C1orf185: variants seen among roughly 807,000 people sequenced by gnomAD.
C1orf185 encodes the protein uncharacterized protein C1orf185.
In C1orf185, 13 loss-of-function variants were observed where a neutral mutation model predicts 16.1. That is an observed-to-expected ratio of 0.81 (90% confidence interval 0.53 to 1.28). C1orf185 has a LOEUF of 1.28. Among genes scored for constraint, C1orf185 ranks in the 50% most tolerant of loss-of-function variants. The pLI is 0.00. For synonymous variants in C1orf185, 80 were observed against 76.9 expected, an observed-to-expected ratio of 1.04 and a Z score of -0.21; for missense variants, 220 against 225.2, an observed-to-expected ratio of 0.98 and a Z score of 0.15.
rs532483260 is a variant in C1orf185, at chr1:51,130,058, C to T, written c.258+11257C>T. ...TTGTGTGTTATACTAATGATTAAAT[C>T]ACAGAGTTTAATCATTTATGCATTG... On this transcript the variant is annotated intron_variant, in intron 3 of 4. Transcript: ENST00000371759. 3.9e-5 allele frequency among the ~76,000 whole-genome samples: 6 copies of T among 152,106 alleles called. No homozygotes were observed. The South Asian group carries it at 1.2e-3, about 32-fold the overall frequency.
chr1:51,110,516 A>G (rs1646108164), intron 1 of C1orf185, among the ~76,000 whole-genome samples: 1 of 149,682 alleles, frequency 6.7e-6, no homozygotes, highest in South Asian at 2.1e-4. Context: ...AACAATAAAA[A>G]TATGGAAATG....
At chr1:51,116,243 T>C (rs1290992211) in intron 2 of C1orf185, among the ~76,000 whole-genome samples, 2 of 151,830 alleles carry the variant, frequency 1.3e-5, no homozygotes, top group African/African-American at 4.8e-5. Flanking sequence ...TTCAGTATCG[T>C]ACTCATTTAA....
downstream of C1orf185, among the ~76,000 whole-genome samples, chr1:51,151,076 A>G (rs761051354): frequency 6.6e-6 from 1 of 152,246 alleles, no homozygotes; most frequent in Non-Finnish European, 1.5e-5. Context: ...TGACATTGAC[A>G]TAGGGTATTA....
chr1:51,128,099 G>A (rs1235919299), intron 3 of C1orf185, among the ~76,000 whole-genome samples: 1 of 151,788 alleles, frequency 6.6e-6, no homozygotes, highest in Non-Finnish European at 1.5e-5. Context: ...ATGTTGACCA[G>A]GCTGGATTAG....
chr1:51,102,896 A>G (rs1199841812), intron 1 of C1orf185, among the ~76,000 whole-genome samples: 3 of 152,030 alleles, frequency 2.0e-5, no homozygotes, highest in African/African-American at 7.2e-5. Flanking sequence ...CTGTGTTCCT[A>G]TGAGTATTTA....
chr1:51,124,703 G>A (rs1305348229), intron 3 of C1orf185, among the ~76,000 whole-genome samples: 1 of 152,226 alleles, frequency 6.6e-6, no homozygotes, highest in Admixed American at 6.5e-5. Flanking sequence ...TAATATCTGA[G>A]TCATTGCCAT....
At chr1:51,145,642 A>G in intron 3 of C1orf185, 82 bp from the exon 4 acceptor site, 1 of 735,036 alleles carries the variant, frequency 1.4e-6, no homozygotes, top group Non-Finnish European at 2.1e-6. Flanking sequence ...GTTAAACTGT[A>G]TTACTCTCAT....
chr1:51,109,325 C>T (rs183489001), intron 1 of C1orf185, among the ~76,000 whole-genome samples: 54 of 152,232 alleles, frequency 3.5e-4, no homozygotes, highest in Admixed American at 1.3e-3. Flanking sequence ...CCTTGTCAGA[C>T]GAATGGTTTG....
At chr1:51,108,181 A>T (rs1326712586) in intron 1 of C1orf185, among the ~76,000 whole-genome samples, 1 of 152,158 alleles carries the variant, frequency 6.6e-6, no homozygotes, top group African/African-American at 2.4e-5. Flanking sequence ...TAGGCACTGT[A>T]TATAGTGGTC....
At chr1:51,132,909 A>G (rs560620446) in intron 3 of C1orf185, among the ~76,000 whole-genome samples, 2 of 152,360 alleles carry the variant, frequency 1.3e-5, no homozygotes, top group East Asian at 1.9e-4. Flanking sequence ...CCAATATTCA[A>G]TGTTCTTAAA....
At chr1:51,122,702 G>T (rs1017638708) in intron 3 of C1orf185, among the ~76,000 whole-genome samples, 2 of 152,118 alleles carry the variant, frequency 1.3e-5, no homozygotes, top group Non-Finnish European at 2.9e-5. Flanking sequence ...CATACAGAAT[G>T]GTTTCATTAT....
chr1:51,102,278 C>G, intron 1 of C1orf185, 29 bp downstream of exon 1: 1 of 712,050 alleles, frequency 1.4e-6, no homozygotes, highest in South Asian at 1.5e-5. Context: ...TGTAGTCTAG[C>G]TTTTTGCCTG....
At chr1:51,120,600 A>C (rs1233207336) in intron 3 of C1orf185, among the ~76,000 whole-genome samples, 1 of 152,230 alleles carries the variant, frequency 6.6e-6, no homozygotes, top group Non-Finnish European at 1.5e-5. Context: ...AATGAAGGAC[A>C]GTTTGAAATA....
intron 3 of C1orf185, among the ~76,000 whole-genome samples, chr1:51,128,437 A>T (rs931471121): frequency 2.0e-5 from 3 of 152,144 alleles, no homozygotes; most frequent in African/African-American, 7.2e-5. Flanking sequence ...CACTCCTGTA[A>T]TCCCCGCACT....
intron 3 of C1orf185, among the ~76,000 whole-genome samples, chr1:51,128,618 G>A (rs1646259978): frequency 6.6e-6 from 1 of 152,052 alleles, no homozygotes; most frequent in Non-Finnish European, 1.5e-5. Context: ...GCTTGAAATT[G>A]GGAGGCAAAG....
At chr1:51,126,847 G>T (rs1646243769) in intron 3 of C1orf185, among the ~76,000 whole-genome samples, 1 of 152,112 alleles carries the variant, frequency 6.6e-6, no homozygotes, top group Admixed American at 6.6e-5. Context: ...CCTAATCCAG[G>T]ATCCTACATT....
chr1:51,105,606 G>C (rs1258773533), intron 1 of C1orf185, among the ~76,000 whole-genome samples: 2 of 152,030 alleles, frequency 1.3e-5, no homozygotes, highest in African/African-American at 4.8e-5. Context: ...GAATACTATA[G>C]TGGTTCTAAG....
chr1:51,112,036 C>A (rs1367832293), intron 1 of C1orf185, among the ~76,000 whole-genome samples: 1 of 151,986 alleles, frequency 6.6e-6, no homozygotes, highest in Admixed American at 6.6e-5. Flanking sequence ...TACTTTATTA[C>A]TCTTATCTGC....
At chr1:51,109,325 C>A (rs183489001) in intron 1 of C1orf185, among the ~76,000 whole-genome samples, 1 of 152,114 alleles carries the variant, frequency 6.6e-6, no homozygotes, top group Non-Finnish European at 1.5e-5. Flanking sequence ...CCTTGTCAGA[C>A]GAATGGTTTG....
Sources: gnomAD v4.1 joint callset for allele counts (sites outside exome capture counted in the v4.1 genomes callset) on GRCh38, gnomAD v4.1.1 for gene constraint, MANE v1.5 for transcripts, NCBI Gene and HGNC (gene_info 2026-07-23, HGNC 2026-07-21) for gene names.